LIMS1: variants seen among roughly 807,000 people sequenced by gnomAD.
LIMS1 encodes LIM zinc finger domain containing 1.
Under a neutral mutation model 44.1 loss-of-function variants are expected in LIMS1, and 18 were observed. The ratio of observed to expected loss-of-function variants is 0.41; its 90% confidence interval spans 0.28 to 0.61. LIMS1 has a LOEUF of 0.61. LIMS1 is among the 20% of genes least tolerant of loss of function. The probability of loss-of-function intolerance (pLI) is 0.32; values close to 1 mark genes in which losing one functional copy is unlikely to be tolerated. For missense variants in LIMS1, 201 were observed against 422.0 expected (o/e 0.48, Z 4.59); for synonymous variants, 93 against 149.1 (o/e 0.62, Z 2.74).
At chr2:108,647,724 T>C (rs1690172446) in intron 1 of LIMS1, among the ~76,000 whole-genome samples, 1 of 152,186 alleles carries the variant, frequency 6.6e-6, no homozygotes. Context: ...CACATGATTA[T>C]CTCAATAGAT....
chr2:108,576,987 C>T lies in LIMS1; in HGVS notation c.32+42393C>T, dbSNP rs77206828. ...CATGGCTGCCACAGCTTCACATTTC[C>T]TTATACCATTGTTTGATTTTCACTA... On this transcript the variant is annotated intron_variant, in intron 1 of 9. Coordinates refer to ENST00000544547, the Ensembl canonical transcript of LIMS1. Among the ~76,000 whole-genome samples, 672 of 152,304 alleles carry T rather than the reference C, an allele frequency of 4.4e-3. 4 individuals are homozygous for T. Among genetic ancestry groups the T allele is most frequent in the South Asian group, 0.014 (67 of 4,826 alleles).
chr2:108,671,980 C>G (rs1419775606), intron 3 of LIMS1, among the ~76,000 whole-genome samples: 3 of 152,142 alleles, frequency 2.0e-5, no homozygotes, highest in Middle Eastern at 3.4e-3. Context: ...GGGAATTCGA[C>G]CAACATGGAG....
At chr2:108,572,015 G>A (rs568277563) in intron 1 of LIMS1, among the ~76,000 whole-genome samples, 12 of 152,298 alleles carry the variant, frequency 7.9e-5, no homozygotes, top group African/African-American at 2.6e-4. Context: ...ATTTAGTGTA[G>A]CAATGCCAAA....
intron 1 of LIMS1, among the ~76,000 whole-genome samples, chr2:108,536,464 CAGT>C (rs879726415): frequency 3.3e-5 from 5 of 152,190 alleles, no homozygotes; most frequent in Admixed American, 2.6e-4. Flanking sequence ...TTTTGTTGCT[CAGT>C]AGTGCTCCAT....
At chr2:108,586,036 C>CA (rs1244676307) in intron 1 of LIMS1, among the ~76,000 whole-genome samples, 2 of 151,880 alleles carry the variant, frequency 1.3e-5, no homozygotes, top group African/African-American at 4.8e-5. Context: ...ACTAAAAATA[C>CA]AAAAAATTAG....
intron 1 of LIMS1, among the ~76,000 whole-genome samples, chr2:108,558,901 C>T (rs151171338): frequency 0.039 from 5,989 of 151,930 alleles, 156 homozygotes; most frequent in Non-Finnish European, 0.06. Context: ...AAACTCCTGA[C>T]CTCAGGTGAT....
At chr2:108,579,529 T>C (rs1293236010) in intron 1 of LIMS1, among the ~76,000 whole-genome samples, 2 of 152,228 alleles carry the variant, frequency 1.3e-5, no homozygotes, top group Non-Finnish European at 2.9e-5. Context: ...GGTCAAATGA[T>C]TTGGACTATG....
intron 2 of LIMS1, among the ~76,000 whole-genome samples, chr2:108,669,372 C>T (rs1164229056): frequency 6.6e-6 from 1 of 151,754 alleles, no homozygotes; most frequent in Admixed American, 6.6e-5. Flanking sequence ...TGTACCACTG[C>T]ACTCCAGACT....
intron 1 of LIMS1, among the ~76,000 whole-genome samples, chr2:108,607,649 C>T (rs540787690): frequency 6.6e-5 from 10 of 152,310 alleles, no homozygotes; most frequent in African/African-American, 1.9e-4. Flanking sequence ...GCCTGAAACC[C>T]AGTCTTTCCC....
chr2:108,668,778 G>C (rs1691960715), intron 2 of LIMS1, among the ~76,000 whole-genome samples: 1 of 152,138 alleles, frequency 6.6e-6, no homozygotes, highest in Non-Finnish European at 1.5e-5. Flanking sequence ...ACTGCTAAAA[G>C]CTAAACATCA....
intron 1 of LIMS1, among the ~76,000 whole-genome samples, chr2:108,577,050 C>T (rs887607040): frequency 9.2e-5 from 14 of 152,288 alleles, no homozygotes; most frequent in African/African-American, 2.6e-4. Context: ...TTTAAACTTC[C>T]AGAAAACAGT....
At chr2:108,617,755 A>G (rs1161672123) in intron 1 of LIMS1, among the ~76,000 whole-genome samples, 2 of 152,206 alleles carry the variant, frequency 1.3e-5, no homozygotes, top group African/African-American at 2.4e-5. Flanking sequence ...TCCTTCTTCC[A>G]GTCTTACCAA....
chr2:108,571,605 G>A (rs993360714), intron 1 of LIMS1, among the ~76,000 whole-genome samples: 2 of 152,176 alleles, frequency 1.3e-5, no homozygotes, highest in Non-Finnish European at 2.9e-5. Context: ...ACCTTACATT[G>A]GAATAGCATT....
chr2:108,629,191 G>A (rs1013602747), intron 1 of LIMS1, among the ~76,000 whole-genome samples: 6 of 152,200 alleles, frequency 3.9e-5, no homozygotes, highest in Non-Finnish European at 8.8e-5. Flanking sequence ...CAGTGTTATA[G>A]GGAAGAAGTA....
intron 1 of LIMS1, among the ~76,000 whole-genome samples, chr2:108,576,000 C>A (rs1382597115): frequency 1.3e-5 from 2 of 152,118 alleles, no homozygotes; most frequent in African/African-American, 4.8e-5. Flanking sequence ...TCTTTCTATA[C>A]CTGGGAGTGG....
intron 1 of LIMS1, among the ~76,000 whole-genome samples, chr2:108,596,102 T>C (rs2104701438): frequency 6.6e-6 from 1 of 152,360 alleles, no homozygotes; most frequent in East Asian, 1.9e-4. Flanking sequence ...GCCGCAGACA[T>C]AGAAAGACCT....
intron 9 of LIMS1, among the ~76,000 whole-genome samples, chr2:108,682,368 C>T (rs1271933982): frequency 3.3e-5 from 5 of 152,094 alleles, no homozygotes; most frequent in Non-Finnish European, 7.4e-5. Context: ...GGCATGGTGG[C>T]GGGTGCCTGT....
intron 1 of LIMS1, among the ~76,000 whole-genome samples, chr2:108,549,324 TCG>T (rs1684605102): frequency 7.6e-6 from 1 of 131,492 alleles, no homozygotes; most frequent in South Asian, 2.7e-4. Context: ...AGATGCAGTG[TCG>T]CTCTGTCGCC....
intron 1 of LIMS1, among the ~76,000 whole-genome samples, chr2:108,623,217 G>GC (rs1558814408): frequency 6.6e-6 from 1 of 151,096 alleles, no homozygotes; most frequent in Non-Finnish European, 1.5e-5. Flanking sequence ...TTTATGCCTG[G>GC]ATTTTTTTTT....
Sources: gnomAD v4.1 joint callset for allele counts (sites outside exome capture counted in the v4.1 genomes callset) on GRCh38, gnomAD v4.1.1 for gene constraint, MANE v1.5 for transcripts, NCBI Gene and HGNC (gene_info 2026-07-23, HGNC 2026-07-21) for gene names.